CPNE5: variants seen among roughly 807,000 people sequenced by gnomAD.
CPNE5 encodes copine-5.
CPNE5 carries 42 observed loss-of-function variants against 81.1 expected under a neutral mutation model. The observed-to-expected ratio is 0.52, with a 90% CI of 0.40 to 0.67. The LOEUF is 0.67. Among genes scored for constraint, CPNE5 ranks in the 30% least tolerant of loss-of-function variants. CPNE5 has a pLI of 0.00. For synonymous variants in CPNE5, 313 were observed against 321.5 expected (o/e 0.97, Z 0.28); for missense variants, 612 against 815.5 (o/e 0.75, Z 3.04).
At chr6:36,832,192 G>A (rs1170167138) in intron 1 of CPNE5, among the ~76,000 whole-genome samples, 2 of 152,228 alleles carry the variant, frequency 1.3e-5, no homozygotes, top group Non-Finnish European at 2.9e-5. Context: ...AAAATCTGAG[G>A]AGCAGGCCTC....
At chr6:36,784,652 G>A (rs1048065768) in intron 8 of CPNE5, among the ~76,000 whole-genome samples, 4 of 152,166 alleles carry the variant, frequency 2.6e-5, no homozygotes, top group African/African-American at 9.7e-5. Context: ...ATGAAATGCC[G>A]TCCCCTTGGC....
At position 36,788,226 on chromosome 6, in the gene CPNE5, C is replaced by CGG. The variant is rs143979934; in HGVS notation, c.528+3805_528+3806dup. Among the ~76,000 whole-genome samples, 91 of 148,518 alleles carry CGG rather than the reference C, an allele frequency of 6.1e-4. 1 individual carries two copies. Among genetic ancestry groups the CGG allele is most frequent in the Admixed American group, 3.1e-3 (46 of 14,808 alleles). On this transcript the variant is annotated intron_variant, in intron 8 of 20. Coordinates refer to ENST00000244751, the MANE Select transcript of CPNE5 (RefSeq NM_020939.2). ...AAAAAAATTTTTTTGTAGAGATGGT[C>CGG]GGGGGGGGGTCTCACTATGATGTCC...
intron 15 of CPNE5, among the ~76,000 whole-genome samples, chr6:36,747,252 T>TC (rs200869675): frequency 0.088 from 11,286 of 127,726 alleles, 492 homozygotes; most frequent in Middle Eastern, 0.15. Context: ...TGGCTTGATT[T>TC]CCCCCCCCAG....
rs200820182 is a variant in CPNE5, at chr6:36,770,534, C to T, written c.737+4427G>A. Among the ~76,000 whole-genome samples, 4 of 152,298 alleles carry T rather than the reference C, an allele frequency of 2.6e-5. No individual in the cohort carries two copies. The East Asian group carries it at 7.7e-4, about 29-fold the overall frequency. On this transcript the variant is annotated intron_variant, in intron 10 of 20. Transcript: ENST00000244751. ...TCATCAGGCCCGGGTTCTCATCCTCCTGTACCTCTTCTCACAATAGGAGGG... is the reference window on the plus strand; with the variant it reads ...TCATCAGGCCCGGGTTCTCATCCTCTTGTACCTCTTCTCACAATAGGAGGG...
intron 7 of CPNE5, 176 bp from the exon 8 acceptor site, chr6:36,792,272 G>C (rs1769169252): frequency 7.3e-7 from 1 of 1,377,868 alleles, no homozygotes. Context: ...GTGGCCTAGT[G>C]CACTGCTTCC....
chr6:36,839,329 C>T lies in CPNE5; in HGVS notation c.49G>A (p.Ala17Thr), dbSNP rs373616222. ...ACCTTGGTGGCCGGGATGCTGCCCG[C>T]CAAGGAGTCGAACTCGCTCAGCGAC... ...MASLSEFDSLAGSIPATKVEI... is the reference protein window; with the variant it reads ...MASLSEFDSLTGSIPATKVEI... The change falls in exon 1 of 21, where the codon GCG (alanine) becomes ACG (threonine). Residue 17 changes from alanine to threonine, a missense_variant. By Grantham distance (58) the Ala-to-Thr change is moderately conservative. Transcript: ENST00000244751. This position sits in a 1 kb window ranked among gnomAD's most constrained non-coding sequence, Gnocchi z 7.3. The T allele has an allele frequency of 2.6e-6, 4 of 1,552,614 alleles. No individual in the cohort carries two copies. Among genetic ancestry groups the T allele is most frequent in the Non-Finnish European group, 3.5e-6 (4 of 1,147,648 alleles).
At chr6:36,797,740 G>C (rs1006787198) in intron 6 of CPNE5, among the ~76,000 whole-genome samples, 5 of 152,210 alleles carry the variant, frequency 3.3e-5, no homozygotes, top group Admixed American at 3.3e-4. Flanking sequence ...CCCAGCTCTG[G>C]CCTACAAGCT....
chr6:36,792,326 C>T, intron 7 of CPNE5: 1 of 1,525,306 alleles, frequency 6.6e-7, no homozygotes, highest in Non-Finnish European at 8.8e-7. Context: ...CCCCCTGCTC[C>T]CCGAGAGCCC....
chr6:36,793,683 C>T (rs1341500625), intron 7 of CPNE5, among the ~76,000 whole-genome samples: 1 of 152,204 alleles, frequency 6.6e-6, no homozygotes, highest in Non-Finnish European at 1.5e-5. Context: ...TCTCTACTCT[C>T]CAGGTGAATT....
At chr6:36,822,230 G>T (rs1268990828) in intron 2 of CPNE5, 70 bp from the exon 3 acceptor site, 1 of 1,350,814 alleles carries the variant, frequency 7.4e-7, no homozygotes, top group Non-Finnish European at 9.9e-7. Flanking sequence ...AGATGAAAAG[G>T]ATCCTGGCTG....
intron 6 of CPNE5, 121 bp downstream of exon 6, chr6:36,798,044 C>T: frequency 1.4e-6 from 1 of 725,718 alleles, no homozygotes; most frequent in East Asian, 2.7e-5. Flanking sequence ...TCTCTTTATT[C>T]CTAATAACCC....
intron 7 of CPNE5, among the ~76,000 whole-genome samples, chr6:36,793,007 G>C (rs1033213179): frequency 6.6e-6 from 1 of 152,202 alleles, no homozygotes; most frequent in East Asian, 1.9e-4. Flanking sequence ...GAGCGTGACT[G>C]TATATACCAC....
At chr6:36,834,024 C>T (rs1773190025) in intron 1 of CPNE5, among the ~76,000 whole-genome samples, 1 of 151,742 alleles carries the variant, frequency 6.6e-6, no homozygotes, top group African/African-American at 2.4e-5. Flanking sequence ...AGTTTGAGAT[C>T]AGCCAATCAG....
At position 36,743,716 on chromosome 6, in the gene CPNE5, C is replaced by A. The variant is rs1355603146; in HGVS notation, c.1536G>T (p.Gly512=). 2 of 1,612,998 alleles carry A rather than the reference C, an allele frequency of 1.2e-6. No individual in the cohort carries two copies. Among genetic ancestry groups the A allele is most frequent in the Non-Finnish European group, 1.7e-6 (2 of 1,179,870 alleles). Residue 512 remains glycine (G), a synonymous_variant, in exon 20 of 21, where the codon GGG becomes GGT. Transcript: ENST00000244751. The part of the protein sequence containing the change: ...DGDDVRISSR[G]KLAERDIVQF... The stretch of plus-strand genomic sequence containing the variant: ...GGACGATGTCGCGTTCAGCCAGCTT[C>A]CCCCGGGAGGAGATCCGCACGTCGT...
intron 12 of CPNE5, chr6:36,757,182 A>C: frequency 3.3e-6 from 1 of 304,476 alleles, no homozygotes; most frequent in Non-Finnish European, 4.8e-6. Context: ...TTGTATTCTC[A>C]TTTGACCCTC....
intron 6 of CPNE5, 99 bp downstream of exon 6, chr6:36,798,066 G>A: frequency 1.2e-6 from 1 of 868,548 alleles, no homozygotes; most frequent in Non-Finnish European, 1.9e-6. Flanking sequence ...GCAGATGCCA[G>A]TCATAGCCAG....
Position 36,756,311 on chromosome 6 carries a change from C to A in CPNE5, c.856-13G>T. 6.2e-7 allele frequency: 1 copy of A among 1,613,050 alleles called. No homozygotes were observed. Among genetic ancestry groups the A allele is most frequent in the Non-Finnish European group, 8.5e-7 (1 of 1,179,302 alleles). ...TCGGGTTTACCACCTGCAGGAAAAA[C>A]CAGTTACCAGGTAAGGCATGCTTCC... is the stretch of plus-strand genomic sequence containing the variant. On this transcript the variant is annotated splice_polypyrimidine_tract_variant and intron_variant, in intron 12 of 20. Coordinates refer to ENST00000244751, the MANE Select transcript of CPNE5 (RefSeq NM_020939.2).
intron 12 of CPNE5, 59 bp from the exon 13 acceptor site, chr6:36,756,357 G>T: frequency 6.8e-7 from 1 of 1,477,558 alleles, no homozygotes; most frequent in Non-Finnish European, 9.4e-7. Flanking sequence ...GGTGAGTCTT[G>T]AGGGCTTCCA....
Position 36,799,998 on chromosome 6 carries a change from A to G in CPNE5, c.256T>C (p.Phe86Leu), listed in dbSNP as rs1769960867. Reference protein sequence around the residue: ...FVRKFIVDYFFEEKQNLRFDL... With the variant: ...FVRKFIVDYFLEEKQNLRFDL... ...AAACGGAGGTTCTGCTTCTCCTCGAAAAAGTAATCCACAATGAACTTGCGC... is the reference window on the plus strand; with the variant it reads ...AAACGGAGGTTCTGCTTCTCCTCGAGAAAGTAATCCACAATGAACTTGCGC... Residue 86 changes from phenylalanine (F) to leucine (L), a missense_variant, in exon 4 of 21, where the codon TTC becomes CTC. Physicochemically the swap from Phe to Leu is conservative, Grantham distance 22 (BLOSUM62 0). Transcript: ENST00000244751. 1 of 1,614,098 alleles carries G rather than the reference A, an allele frequency of 6.2e-7. No homozygotes were observed. Among genetic ancestry groups the G allele is most frequent in the Non-Finnish European group, 8.5e-7 (1 of 1,179,966 alleles).
Sources: allele counts gnomAD v4.1 joint callset (sites outside exome capture counted in the v4.1 genomes callset), GRCh38; gene constraint gnomAD v4.1.1; non-coding constraint Gnocchi (gnomAD v3.1); transcripts MANE v1.5; gene names NCBI Gene and HGNC (gene_info 2026-07-23, HGNC 2026-07-21).